PPP3CA: variants seen among roughly 807,000 people sequenced by gnomAD.
PPP3CA encodes protein phosphatase 3 catalytic subunit alpha.
A neutral mutation model predicts 66.5 loss-of-function variants in PPP3CA; 14 were observed. The ratio of observed to expected loss-of-function variants is 0.21; its 90% CI spans 0.14 to 0.33. The LOEUF is 0.33. Ranked by LOEUF, PPP3CA falls within the 10% of genes least tolerant of loss-of-function variation. The pLI is 1.00. For missense variants in PPP3CA, 317 were observed against 639.5 expected (o/e 0.50, Z 5.44); for synonymous variants, 232 against 226.2 (o/e 1.03, Z -0.23).
At chr4:101,309,390 A>C (rs1246440079) in intron 1 of PPP3CA, among the ~76,000 whole-genome samples, 1 of 152,082 alleles carries the variant, frequency 6.6e-6, no homozygotes, top group Admixed American at 6.6e-5. Flanking sequence ...AAGAAACATA[A>C]TCTTTCAGAA....
intron 2 of PPP3CA, among the ~76,000 whole-genome samples, chr4:101,118,356 T>A (rs1721914013): frequency 6.6e-6 from 1 of 151,812 alleles, no homozygotes. Context: ...TCTTCACATG[T>A]AAAGATGAAC....
chr4:101,085,556 C>T (rs979793787), intron 6 of PPP3CA, among the ~76,000 whole-genome samples: 2 of 152,080 alleles, frequency 1.3e-5, no homozygotes, highest in African/African-American at 2.4e-5. Context: ...GCATTATTGA[C>T]TTGGAGGGAA....
chr4:101,154,934 A>G (rs1425015952), intron 2 of PPP3CA, among the ~76,000 whole-genome samples: 1 of 147,506 alleles, frequency 6.8e-6, no homozygotes, highest in Admixed American at 7.0e-5. Flanking sequence ...CTCCTACCTC[A>G]GCCTTCAGAG....
chr4:101,108,764 G>A (rs1399648807), intron 3 of PPP3CA, among the ~76,000 whole-genome samples, 190 bp downstream of exon 3: 1 of 152,108 alleles, frequency 6.6e-6, no homozygotes, highest in African/African-American at 2.4e-5. Flanking sequence ...GTGAGACTCC[G>A]TCTCAAAAAC....
At chr4:101,208,236 C>A (rs1364643375) in intron 1 of PPP3CA, among the ~76,000 whole-genome samples, 1 of 152,132 alleles carries the variant, frequency 6.6e-6, no homozygotes, top group Admixed American at 6.6e-5. Flanking sequence ...AGTAATCACA[C>A]ACACACACAC....
At chr4:101,142,891 T>C (rs1380674470) in intron 2 of PPP3CA, among the ~76,000 whole-genome samples, 1 of 152,176 alleles carries the variant, frequency 6.6e-6, no homozygotes, top group Non-Finnish European at 1.5e-5. Context: ...GAGGCAACAA[T>C]ACTCAAGTGA....
At chr4:101,065,124 A>G (rs563206586) in intron 8 of PPP3CA, among the ~76,000 whole-genome samples, 269 of 152,116 alleles carry the variant, frequency 1.8e-3, no homozygotes, top group Non-Finnish European at 2.6e-3. Context: ...ACATTGCTTT[A>G]TCATTTATGC....
At chr4:101,182,331 C>T (rs971329854) in intron 2 of PPP3CA, among the ~76,000 whole-genome samples, 2 of 152,086 alleles carry the variant, frequency 1.3e-5, no homozygotes, top group African/African-American at 4.8e-5. Context: ...TTAAATAAAA[C>T]AGGCTTAAGT....
intron 11 of PPP3CA, among the ~76,000 whole-genome samples, chr4:101,038,886 A>G (rs1457830314): frequency 6.6e-6 from 1 of 152,190 alleles, no homozygotes; most frequent in Non-Finnish European, 1.5e-5. Flanking sequence ...TTTATTTTCT[A>G]TTAACATGTG....
At chr4:101,079,722 G>T (rs181035848) in intron 8 of PPP3CA, among the ~76,000 whole-genome samples, 87 of 152,154 alleles carry the variant, frequency 5.7e-4, no homozygotes, top group Non-Finnish European at 1.0e-3. Flanking sequence ...ATTTTATCAC[G>T]CATGTGACAC....
chr4:101,271,031 C>T (rs1420505203), intron 1 of PPP3CA, among the ~76,000 whole-genome samples: 1 of 152,014 alleles, frequency 6.6e-6, no homozygotes, highest in African/African-American at 2.4e-5. Context: ...GCAATCCTCC[C>T]ACCTCAGCCA....
At chr4:101,272,313 T>G (rs942195057) in intron 1 of PPP3CA, among the ~76,000 whole-genome samples, 7 of 152,188 alleles carry the variant, frequency 4.6e-5, no homozygotes, top group African/African-American at 1.7e-4. Context: ...AGACATTGCT[T>G]AGAATTATAA....
intron 1 of PPP3CA, among the ~76,000 whole-genome samples, chr4:101,256,587 G>T (rs546437319): frequency 6.6e-6 from 1 of 151,978 alleles, no homozygotes. Flanking sequence ...ATCTACAATA[G>T]AAATTTCCAT....
At chr4:101,319,143 G>T (rs150127355) in intron 1 of PPP3CA, among the ~76,000 whole-genome samples, 90 of 148,066 alleles carry the variant, frequency 6.1e-4, no homozygotes, top group African/African-American at 2.1e-3. Context: ...GCTCTTAAAC[G>T]TGAAGAATTC....
intron 3 of PPP3CA, among the ~76,000 whole-genome samples, chr4:101,107,548 C>A (rs1237500746): frequency 6.6e-6 from 1 of 152,212 alleles, no homozygotes; most frequent in Non-Finnish European, 1.5e-5. Context: ...CCCTCATCAT[C>A]ACCAGGAATA....
rs2659549 is a variant in PPP3CA, at chr4:101,108,337, T to C, written c.384+617A>G. Among the ~76,000 whole-genome samples the C allele has an allele frequency of 1.6e-4, 24 of 152,334 alleles. No individual in the cohort carries two copies. In the East Asian group the frequency reaches 3.9e-3, roughly 24 times the overall value. On this transcript the variant is annotated intron_variant, in intron 3 of 13. Coordinates refer to ENST00000394854, the MANE Select transcript of PPP3CA (RefSeq NM_000944.5). ...TACATTCCTGCTTATTTGATCAACA[T>C]TGATTATTTCTTTCAATGGAAAATG...
chr4:101,278,006 T>C (rs1358906999), intron 1 of PPP3CA, among the ~76,000 whole-genome samples: 1 of 152,002 alleles, frequency 6.6e-6, no homozygotes, highest in African/African-American at 2.4e-5. Flanking sequence ...AGATATGTTT[T>C]TCCCAGTTCA....
chr4:101,034,039 C>A (rs1242502532), intron 11 of PPP3CA, among the ~76,000 whole-genome samples: 1 of 152,128 alleles, frequency 6.6e-6, no homozygotes, highest in Non-Finnish European at 1.5e-5. Flanking sequence ...CATACCTATG[C>A]CAAATCCTGT....
At chr4:101,049,014 T>C (rs1024555258) in intron 10 of PPP3CA, among the ~76,000 whole-genome samples, 1 of 152,148 alleles carries the variant, frequency 6.6e-6, no homozygotes, top group Non-Finnish European at 1.5e-5. Flanking sequence ...TTTCTCCACC[T>C]CTCTTGTCAT....
Sources: allele counts gnomAD v4.1 joint callset (sites outside exome capture counted in the v4.1 genomes callset), GRCh38; gene constraint gnomAD v4.1.1; transcripts MANE v1.5; gene names NCBI Gene and HGNC (gene_info 2026-07-23, HGNC 2026-07-21).